The following ADGRL3 variants were observed in gnomAD, a reference collection of about 807,000 sequenced individuals.
ADGRL3 encodes calcium-independent alpha-latrotoxin receptor 3.
In ADGRL3, 62 loss-of-function variants were observed where a neutral mutation model predicts 153.5. That is an observed-to-expected ratio of 0.40 (90% CI 0.33 to 0.50). ADGRL3 has a LOEUF of 0.50. ADGRL3 is among the 20% of genes least tolerant of loss of function. The probability of loss-of-function intolerance (pLI) is 0.47; values close to 1 mark genes in which losing one functional copy is unlikely to be tolerated. For missense variants in ADGRL3, 1,641 were observed against 1,859.4 expected (o/e 0.88, Z 2.16); for synonymous variants, 710 against 672.5 (o/e 1.06, Z -0.86).
chr4:61,955,801 T>G (rs2098963904), intron 17 of ADGRL3, among the ~76,000 whole-genome samples: 1 of 152,048 alleles, frequency 6.6e-6, no homozygotes, highest in Admixed American at 6.6e-5. Context: ...GTTTTCTATT[T>G]CTGTATTAGT....
Position 61,732,939 on chromosome 4 carries a change from G to A in ADGRL3, c.784G>A (p.Gly262Arg). ...EYSSKDDFIA[G>R]RPTTTYKLPH... ...TTCATCCAAGGATGACTTCATTGCT[G>A]GAAGACCAACTACAACCTACAAGCT... Residue 262 changes from glycine (G) to arginine (R), a missense_variant, in exon 8 of 27, where the codon GGA becomes AGA. Coordinates refer to ENST00000683033, the MANE Select transcript of ADGRL3 (RefSeq NM_001387552.1). 1 of 1,613,664 alleles carries A rather than the reference G, an allele frequency of 6.2e-7. No homozygotes were observed. The highest frequency in any genetic ancestry group is 8.5e-7 in the Non-Finnish European group (1 of 1,179,786).
intron 5 of ADGRL3, among the ~76,000 whole-genome samples, chr4:61,653,130 CCT>C (rs752724765): frequency 2.0e-3 from 273 of 138,056 alleles, no homozygotes; most frequent in East Asian, 9.5e-3. Flanking sequence ...AAAGAGAAAG[CCT>C]CTCTCTCTCT....
intron 11 of ADGRL3, among the ~76,000 whole-genome samples, chr4:61,903,650 CAAAAAAAAAAAAA>C (rs55879235): frequency 1.2e-4 from 9 of 72,358 alleles, no homozygotes; most frequent in Admixed American, 7.5e-4. Context: ...TGGGAAACAG[CAAAAAAAAAAAAA>C]AAAAAAAAAA....
intron 1 of ADGRL3, among the ~76,000 whole-genome samples, chr4:61,261,771 G>A (rs1009116015): frequency 6.6e-6 from 1 of 152,172 alleles, no homozygotes; most frequent in Non-Finnish European, 1.5e-5. Context: ...ACCAGCCAGG[G>A]AGGTCAAGGA....
chr4:61,894,851 T>C (rs551616514), intron 10 of ADGRL3, among the ~76,000 whole-genome samples: 1 of 152,238 alleles, frequency 6.6e-6, no homozygotes, highest in East Asian at 1.9e-4. Context: ...AAACTCAAAT[T>C]TGCTCATCAT....
At chr4:61,867,404 G>A (rs1231621251) in intron 9 of ADGRL3, among the ~76,000 whole-genome samples, 1 of 150,962 alleles carries the variant, frequency 6.6e-6, no homozygotes, top group African/African-American at 2.4e-5. Context: ...GGAATCTGAG[G>A]CGGGAGGATC....
chr4:61,743,860 G>A (rs1023695998), intron 8 of ADGRL3, among the ~76,000 whole-genome samples: 5 of 152,184 alleles, frequency 3.3e-5, no homozygotes, highest in East Asian at 3.9e-4. Flanking sequence ...GACAGTGGGC[G>A]CAGGACAGTG....
chr4:61,358,416 T>A (rs899870932), intron 1 of ADGRL3, among the ~76,000 whole-genome samples: 3 of 151,858 alleles, frequency 2.0e-5, no homozygotes, highest in Admixed American at 6.6e-5. Context: ...GCTAACAGGA[T>A]GAAACCCCGT....
chr4:61,248,516 T>A (rs1757963539), intron 1 of ADGRL3, among the ~76,000 whole-genome samples: 1 of 152,124 alleles, frequency 6.6e-6, no homozygotes, highest in African/African-American at 2.4e-5. Flanking sequence ...TAATATTGAA[T>A]GTCTTTTGGT....
intron 17 of ADGRL3, among the ~76,000 whole-genome samples, chr4:61,963,200 G>GT (rs1355991837): frequency 3.3e-5 from 5 of 150,898 alleles, no homozygotes; most frequent in Admixed American, 6.6e-5. Context: ...CTTTCTTTGA[G>GT]TTTTTTTCTG....
At chr4:61,835,220 T>G (rs1205809254) in intron 9 of ADGRL3, among the ~76,000 whole-genome samples, 3 of 150,038 alleles carry the variant, frequency 2.0e-5, no homozygotes, top group Non-Finnish European at 4.4e-5. Context: ...GAAAACAGGG[T>G]TTTTTTTCCA....
chr4:61,475,002 G>A (rs950820820), intron 2 of ADGRL3, among the ~76,000 whole-genome samples: 1 of 152,220 alleles, frequency 6.6e-6, no homozygotes, highest in East Asian at 1.9e-4. Flanking sequence ...ACCAAAGAAT[G>A]TGTGCATCTC....
chr4:61,502,486 T>G (rs1579213841), intron 3 of ADGRL3, among the ~76,000 whole-genome samples: 1 of 16,896 alleles, frequency 5.9e-5, no homozygotes, highest in South Asian at 3.1e-3. Flanking sequence ...TTATACATGT[T>G]TTTTTTTTTT....
intron 2 of ADGRL3, among the ~76,000 whole-genome samples, chr4:61,407,759 A>G (rs2097022222): frequency 6.6e-6 from 1 of 152,170 alleles, no homozygotes; most frequent in Admixed American, 6.6e-5. Flanking sequence ...TTACAAACAC[A>G]TGCATTTAAA....
At chr4:61,439,195 G>A (rs2097497072) in intron 2 of ADGRL3, among the ~76,000 whole-genome samples, 1 of 152,138 alleles carries the variant, frequency 6.6e-6, no homozygotes, top group African/African-American at 2.4e-5. Flanking sequence ...AGGCTTCTCT[G>A]TACTTATAAA....
At chr4:62,052,623 T>C (rs757948970) in intron 25 of ADGRL3, among the ~76,000 whole-genome samples, 2 of 151,456 alleles carry the variant, frequency 1.3e-5, no homozygotes, top group Non-Finnish European at 3.0e-5. Flanking sequence ...TCATTCTTCT[T>C]TCCTGGAAGC....
At chr4:61,703,839 A>G (rs910632857) in intron 6 of ADGRL3, among the ~76,000 whole-genome samples, 2 of 150,980 alleles carry the variant, frequency 1.3e-5, no homozygotes, top group Non-Finnish European at 1.5e-5. Flanking sequence ...TTTGATTTTT[A>G]TTTTAGTCTT....
At chr4:61,371,364 G>A (rs1265265199) in intron 1 of ADGRL3, among the ~76,000 whole-genome samples, 1 of 151,844 alleles carries the variant, frequency 6.6e-6, no homozygotes, top group Non-Finnish European at 1.5e-5. Flanking sequence ...TGCAGCGGCT[G>A]GTACCGGTTG....
chr4:61,364,196 G>T (rs1286783265), intron 1 of ADGRL3, among the ~76,000 whole-genome samples: 1 of 151,912 alleles, frequency 6.6e-6, no homozygotes, highest in African/African-American at 2.4e-5. Flanking sequence ...AGCTGGGCAT[G>T]GTGGTGCACA....
Sources: gnomAD v4.1 joint callset for allele counts (sites outside exome capture counted in the v4.1 genomes callset) on GRCh38, gnomAD v4.1.1 for gene constraint, MANE v1.5 for transcripts, NCBI Gene and HGNC (gene_info 2026-07-23, HGNC 2026-07-21) for gene names.